Variants in EXOC2 observed in about 807,000 individuals in gnomAD.
EXOC2 encodes SEC5-like 1.
EXOC2 carries 70 observed loss-of-function variants against 131.8 expected under a neutral mutation model. That is an observed-to-expected ratio of 0.53 (90% confidence interval 0.44 to 0.65). The LOEUF is 0.65. EXOC2 is among the 30% of genes least tolerant of loss of function. EXOC2 has a pLI of 0.00. For missense variants in EXOC2, 923 were observed against 1,108.6 expected, an observed-to-expected ratio of 0.83 and a Z score of 2.38; for synonymous variants, 411 against 398.4, an observed-to-expected ratio of 1.03 and a Z score of -0.38.
intron 11 of EXOC2, among the ~76,000 whole-genome samples, chr6:579,804 T>G (rs1561882684): frequency 6.6e-6 from 1 of 152,142 alleles, no homozygotes; most frequent in Non-Finnish European, 1.5e-5. Context: ...GACACTCCTT[T>G]TAAATTACAT....
Position 518,541 on chromosome 6 carries a change from G to A in EXOC2, c.2380+13928C>T, listed in dbSNP as rs148446288. Among the ~76,000 whole-genome samples, 305 of 152,274 alleles carry A rather than the reference G, an allele frequency of 2.0e-3. 1 individual carries two copies. Among genetic ancestry groups the A allele is most frequent in the Non-Finnish European group, 3.2e-3 (218 of 68,026 alleles). On this transcript the variant is annotated intron_variant, in intron 23 of 27. Coordinates refer to ENST00000230449, the MANE Select transcript of EXOC2 (RefSeq NM_018303.6). ...GCAATGAAGAAAATATGTAGGCCAC[G>A]GGTCATCTTGAAGTTAATAAATTTC...
intron 23 of EXOC2, among the ~76,000 whole-genome samples, chr6:512,646 T>C (rs1045311236): frequency 1.3e-5 from 2 of 152,174 alleles, no homozygotes; most frequent in Non-Finnish European, 2.9e-5. Context: ...TTTACAAACA[T>C]GAAGATATAC....
chr6:577,146 T>G (rs1167491406), intron 11 of EXOC2, among the ~76,000 whole-genome samples: 1 of 152,194 alleles, frequency 6.6e-6, no homozygotes, highest in Non-Finnish European at 1.5e-5. Context: ...CAAAACAACT[T>G]TTGGCACTAG....
Position 562,810 on chromosome 6 carries a change from C to G in EXOC2, c.1825G>C (p.Val609Leu). Reference protein sequence around the residue: ...KRLAEKEDWIVDNEGLTSLPC... With the variant: ...KRLAEKEDWILDNEGLTSLPC... ...AGAGAAGTCAGTCCTTCATTGTCAA[C>G]AATCCAGTCTTCTTTTTCAGCTAAT... The change falls in exon 17 of 28, where the codon GTT becomes CTT. Residue 609 changes from valine (V) to leucine (L), a missense_variant. By Grantham distance (32) the Val-to-Leu change is conservative (BLOSUM62 1). Coordinates refer to ENST00000230449, the MANE Select transcript of EXOC2 (RefSeq NM_018303.6). 6.2e-7 allele frequency: 1 copy of G among 1,600,292 alleles called. No individual in the cohort carries two copies. The highest frequency in any genetic ancestry group is 1.3e-5 in the African/African-American group (1 of 74,576).
At chr6:578,702 T>A (rs545227515) in intron 11 of EXOC2, among the ~76,000 whole-genome samples, 55 of 152,356 alleles carry the variant, frequency 3.6e-4, no homozygotes, top group African/African-American at 1.2e-3. Flanking sequence ...TGTGCATACA[T>A]TTGTATTTTT....
intron 26 of EXOC2, among the ~76,000 whole-genome samples, chr6:489,559 T>C (rs1337974920): frequency 1.3e-5 from 2 of 152,226 alleles, no homozygotes; most frequent in Non-Finnish European, 2.9e-5. Flanking sequence ...AAATTCAATG[T>C]AAGTTCTTTA....
chr6:616,495 C>A (rs943219579), intron 6 of EXOC2, among the ~76,000 whole-genome samples: 1 of 147,854 alleles, frequency 6.8e-6, no homozygotes, highest in Non-Finnish European at 1.5e-5. Context: ...CCCAGCTCCT[C>A]GGGAGGCTGA....
intron 1 of EXOC2, chr6:656,888 G>C: frequency 6.3e-7 from 1 of 1,598,920 alleles, no homozygotes; most frequent in Non-Finnish European, 8.5e-7. Context: ...CGGTGCCGCT[G>C]ACGTGAATGA....
At chr6:596,498 G>T (rs1234646050) in intron 10 of EXOC2, among the ~76,000 whole-genome samples, 2 of 152,048 alleles carry the variant, frequency 1.3e-5, no homozygotes, top group African/African-American at 4.8e-5. Context: ...CTCCTGAGTG[G>T]CTGGGTCTAC....
chr6:612,792 T>C (rs1328191369), intron 6 of EXOC2, among the ~76,000 whole-genome samples: 1 of 149,204 alleles, frequency 6.7e-6, no homozygotes, highest in African/African-American at 2.4e-5. Flanking sequence ...GGAACATGCG[T>C]AATTTAGTCT....
Position 564,092 on chromosome 6 carries a change from T to A in EXOC2, c.1730A>T (p.Asp577Val), listed in dbSNP as rs756733431. ...ACGTACTCGGAGATCCAAGATGAGA[T>A]CCTGGATAGTCTGTAACAGGTCATT... ...IPNDLLQTIQ[D>V]LILDLRVRCV... The change falls in exon 16 of 28, where the codon GAT (aspartate) becomes GTT (valine). Residue 577 changes from aspartate to valine, a missense_variant. Transcript: ENST00000230449. 5.6e-6 allele frequency: 9 copies of A among 1,614,128 alleles called. No individual in the cohort carries two copies. The East Asian group carries it at 2.0e-4, about 36-fold the overall frequency.
At chr6:523,134 A>G (rs919586606) in intron 23 of EXOC2, among the ~76,000 whole-genome samples, 10 of 152,250 alleles carry the variant, frequency 6.6e-5, no homozygotes, top group African/African-American at 2.4e-4. Flanking sequence ...GGTAAGATAA[A>G]GAAACCAGAG....
chr6:548,621 T>C (rs1426881386), intron 22 of EXOC2, among the ~76,000 whole-genome samples: 1 of 152,198 alleles, frequency 6.6e-6, no homozygotes, highest in East Asian at 1.9e-4. Flanking sequence ...GGAGGACATA[T>C]TTTTCAGGTA....
chr6:545,622 A>C (rs1756807803), intron 22 of EXOC2, among the ~76,000 whole-genome samples: 1 of 152,232 alleles, frequency 6.6e-6, no homozygotes, highest in Non-Finnish European at 1.5e-5. Context: ...TATCGAATTA[A>C]ACATCGTAAT....
chr6:487,289 G>A (rs1419987648), intron 27 of EXOC2, among the ~76,000 whole-genome samples: 1 of 149,180 alleles, frequency 6.7e-6, no homozygotes, highest in Non-Finnish European at 1.5e-5. Flanking sequence ...AGAGTGGGGA[G>A]CGAAAGCAGT....
At chr6:486,934 A>T (rs1763101343) in intron 27 of EXOC2, among the ~76,000 whole-genome samples, 170 bp from the exon 28 acceptor site, 1 of 152,224 alleles carries the variant, frequency 6.6e-6, no homozygotes. Context: ...CACATCAAAG[A>T]AGTTGATCAA....
At chr6:581,267 G>C (rs1277595521) in intron 11 of EXOC2, among the ~76,000 whole-genome samples, 2 of 149,410 alleles carry the variant, frequency 1.3e-5, no homozygotes, top group Admixed American at 1.3e-4. Flanking sequence ...CCGCACTCCA[G>C]TCTGGGAGAC....
chr6:619,842 A>G (rs1237181968), intron 4 of EXOC2, among the ~76,000 whole-genome samples: 1 of 152,206 alleles, frequency 6.6e-6, no homozygotes, highest in Admixed American at 6.5e-5. Context: ...CATCTGGCTG[A>G]GTTGACAGTT....
chr6:560,702 T>G (rs1194485738), intron 17 of EXOC2, among the ~76,000 whole-genome samples: 1 of 151,828 alleles, frequency 6.6e-6, no homozygotes, highest in Non-Finnish European at 1.5e-5. Context: ...TCGATTAAAA[T>G]TTTCTTTCTT....
Sources: gnomAD v4.1 joint callset for allele counts (sites outside exome capture counted in the v4.1 genomes callset) on GRCh38, gnomAD v4.1.1 for gene constraint, MANE v1.5 for transcripts, NCBI Gene and HGNC (gene_info 2026-07-23, HGNC 2026-07-21) for gene names.